NIPAL2: variants seen among roughly 807,000 people sequenced by gnomAD.
The protein encoded by NIPAL2 is NIPA like domain containing 2, also known as NIPA-like protein 2.
In NIPAL2, 43 loss-of-function variants were observed where a neutral mutation model predicts 48.9. That is an observed-to-expected ratio of 0.88 (90% CI 0.69 to 1.13). The LOEUF is 1.13. Ranked by LOEUF, NIPAL2 falls within the 50% of genes most tolerant of loss-of-function variation. The pLI is 0.00. For synonymous variants in NIPAL2, 167 were observed against 174.6 expected, an observed-to-expected ratio of 0.96 and a Z score of 0.34; for missense variants, 446 against 461.4, an observed-to-expected ratio of 0.97 and a Z score of 0.31.
intron 4 of NIPAL2, among the ~76,000 whole-genome samples, chr8:98,235,264 G>T (rs1442674157): frequency 1.3e-5 from 2 of 152,138 alleles, no homozygotes; most frequent in Admixed American, 6.5e-5. Context: ...ACAGGATTTT[G>T]TCACGGAAGA....
At chr8:98,232,276 G>A (rs749718359) in intron 4 of NIPAL2, among the ~76,000 whole-genome samples, 89 of 152,082 alleles carry the variant, frequency 5.9e-4, no homozygotes, top group Non-Finnish European at 2.4e-4. Context: ...AATTGGTCAC[G>A]TTTAATTATG....
chr8:98,234,704 C>A (rs1812618379), intron 4 of NIPAL2, among the ~76,000 whole-genome samples: 1 of 118,410 alleles, frequency 8.4e-6, no homozygotes. Flanking sequence ...CATGACACCA[C>A]ACCTGTCTAT....
chr8:98,211,315 A>G (rs947324312), intron 6 of NIPAL2, among the ~76,000 whole-genome samples: 6 of 152,126 alleles, frequency 3.9e-5, no homozygotes, highest in African/African-American at 1.2e-4. Flanking sequence ...TATATAAGGT[A>G]CATTTTGTTT....
intron 4 of NIPAL2, among the ~76,000 whole-genome samples, chr8:98,232,139 G>A (rs144011022): frequency 2.1e-4 from 32 of 152,118 alleles, no homozygotes; most frequent in Non-Finnish European, 2.6e-4. Flanking sequence ...TTGGACTTCC[G>A]TAAATATGAA....
chr8:98,254,446 A>G (rs963943378), intron 1 of NIPAL2, among the ~76,000 whole-genome samples: 1 of 152,146 alleles, frequency 6.6e-6, no homozygotes, highest in Non-Finnish European at 1.5e-5. Flanking sequence ...GGACTGTGAT[A>G]TGAAAGAAAG....
chr8:98,270,193 A>T (rs1815040986), intron 1 of NIPAL2, among the ~76,000 whole-genome samples: 1 of 152,192 alleles, frequency 6.6e-6, no homozygotes, highest in Non-Finnish European at 1.5e-5. Flanking sequence ...TCCTTTGGGT[A>T]TATACCCAGT....
rs1810271877 is a variant in NIPAL2 at position 98,190,729 on chromosome 8, T to C, written c.*2249A>G. The C allele has an allele frequency of 6.6e-6, 1 of 152,234 alleles. No individual in the cohort carries two copies. Among genetic ancestry groups the C allele is most frequent in the Non-Finnish European group, 1.5e-5 (1 of 68,052 alleles). 9.4% of individuals were successfully genotyped at this position (152,234 alleles called of 1,614,324 possible). On this transcript the variant is annotated 3_prime_UTR_variant, in exon 11 of 11. Transcript: ENST00000430223. ...AGTTGGGTAGTTGGGACAGACACCATGTCTGTCTGTTGGTACAGACAACAC... is the reference window on the plus strand; with the variant it reads ...AGTTGGGTAGTTGGGACAGACACCACGTCTGTCTGTTGGTACAGACAACAC...
intron 1 of NIPAL2, among the ~76,000 whole-genome samples, chr8:98,283,158 A>G (rs1026304517): frequency 1.3e-5 from 2 of 152,244 alleles, no homozygotes; most frequent in African/African-American, 4.8e-5. Context: ...GTCTTTTACT[A>G]GGGAACACAT....
rs556263649 is a variant in NIPAL2, at chr8:98,200,004, AG to A, written c.880+3103del. Among the ~76,000 whole-genome samples the A allele has an allele frequency of 2.6e-3, 391 of 152,092 alleles. 1 individual carries two copies. The highest frequency in any genetic ancestry group is 8.9e-3 in the African/African-American group (371 of 41,484). ...GGTCCTGCTCCGTCACCCAGGCTGG[AG>A]AGTAGTGGCGTGATTATAGCTTACT... On this transcript the variant is annotated intron_variant, in intron 8 of 10. Coordinates refer to ENST00000430223, the MANE Select transcript of NIPAL2 (RefSeq NM_001321635.2).
chr8:98,208,673 TCCTGA>T (rs1811159538), intron 6 of NIPAL2, among the ~76,000 whole-genome samples: 1 of 152,114 alleles, frequency 6.6e-6, no homozygotes, highest in Non-Finnish European at 1.5e-5. Flanking sequence ...GGTCTCAAAC[TCCTGA>T]CCTTAGGTGA....
chr8:98,276,999 A>G (rs1225985673), intron 1 of NIPAL2, among the ~76,000 whole-genome samples: 1 of 151,564 alleles, frequency 6.6e-6, no homozygotes, highest in African/African-American at 2.4e-5. Flanking sequence ...TGAACTCCTG[A>G]CCTGAAGTGA....
intron 6 of NIPAL2, among the ~76,000 whole-genome samples, chr8:98,207,737 A>G (rs1001677155): frequency 5.9e-5 from 9 of 152,250 alleles, no homozygotes; most frequent in Admixed American, 5.2e-4. Context: ...TTATTTTCCT[A>G]TCTATAAGTA....
chr8:98,197,905 A>C (rs1008434617), intron 8 of NIPAL2, among the ~76,000 whole-genome samples: 2 of 152,234 alleles, frequency 1.3e-5, no homozygotes, highest in Non-Finnish European at 2.9e-5. Flanking sequence ...GTTAGAATAG[A>C]CTTCTTCCAA....
intron 8 of NIPAL2, among the ~76,000 whole-genome samples, chr8:98,201,653 C>A (rs1327067159): frequency 6.6e-6 from 1 of 152,200 alleles, no homozygotes; most frequent in Non-Finnish European, 1.5e-5. Flanking sequence ...TTAATATTAA[C>A]TATCAGGCTT....
chr8:98,224,804 G>A (rs1214924920), intron 4 of NIPAL2, among the ~76,000 whole-genome samples: 2 of 135,810 alleles, frequency 1.5e-5, no homozygotes, highest in East Asian at 4.2e-4. Flanking sequence ...TGTCACCCAG[G>A]CTGGAGTGCA....
At chr8:98,224,100 A>T (rs1812031820) in intron 4 of NIPAL2, among the ~76,000 whole-genome samples, 1 of 152,200 alleles carries the variant, frequency 6.6e-6, no homozygotes, top group East Asian at 1.9e-4. Flanking sequence ...ACACTCCTTT[A>T]TCTCTTCTAA....
At chr8:98,253,553 T>G (rs1187763878) in intron 2 of NIPAL2, among the ~76,000 whole-genome samples, 4 of 152,236 alleles carry the variant, frequency 2.6e-5, no homozygotes, top group Non-Finnish European at 4.4e-5. Flanking sequence ...TATTTTGTAT[T>G]CTACATTCTT....
intron 3 of NIPAL2, chr8:98,251,484 G>T (rs1262550992): frequency 6.6e-6 from 1 of 152,148 alleles, no homozygotes; most frequent in Non-Finnish European, 1.5e-5. Flanking sequence ...AGTAGTAACA[G>T]GATGGCTCTT....
intron 4 of NIPAL2, among the ~76,000 whole-genome samples, chr8:98,223,342 A>G (rs530024077): frequency 6.6e-6 from 1 of 152,316 alleles, no homozygotes; most frequent in South Asian, 2.1e-4. Context: ...GAATGTGTGT[A>G]GGGGGATTAG....
Sources: gnomAD v4.1 joint callset for allele counts (sites outside exome capture counted in the v4.1 genomes callset) on GRCh38, gnomAD v4.1.1 for gene constraint, MANE v1.5 for transcripts, NCBI Gene and HGNC (gene_info 2026-07-23, HGNC 2026-07-21) for gene names.